The following EBLN1 variants were observed in gnomAD, a reference collection of about 807,000 sequenced individuals.
EBLN1 encodes endogenous Bornavirus like nucleoprotein 1.
Under a neutral mutation model 0.8 loss-of-function variants are expected in EBLN1, and 1 was observed. The observed-to-expected ratio is 1.32, with a 90% CI of 0.47 to 6.26. EBLN1 has a LOEUF of 6.26. EBLN1 is among the 30% of genes most tolerant of loss of function. The probability of loss-of-function intolerance (pLI) is 0.15; values close to 1 mark genes in which losing one functional copy is unlikely to be tolerated. For missense variants in EBLN1, 396 were observed against 447.9 expected (o/e 0.88, Z 1.05); for synonymous variants, 158 against 158.5 (o/e 1.00, Z 0.02).
At position 22,209,350 on chromosome 10, in the gene EBLN1, CA is replaced by C. The variant is rs1488672063; in HGVS notation, c.633del (p.Phe211LeufsTer17). The C allele has an allele frequency of 6.2e-7, 1 of 1,605,140 alleles. No homozygotes were observed. Among genetic ancestry groups the C allele is most frequent in the East Asian group, 2.2e-5 (1 of 44,884 alleles). On this transcript the variant is annotated frameshift_variant, in exon 3 of 3. Coordinates refer to ENST00000422359, the MANE Select transcript of EBLN1 (RefSeq NM_001394757.1). LOFTEE classifies it low-confidence loss of function (END_TRUNC). Reference protein sequence around the residue: ...WVGGLMFTFLFGEFESPACEL... With the variant: ...WVGGLMFTFLXGEFESPACEL... ...TCGCACGCAGGGGATTCAAATTCTC[CA>C]AATAGAAATGTGAACATTAATCCTC...
rs186562476 is a variant in EBLN1, at chr10:22,210,113, T to A, written c.-44-86A>T. 1.8e-4 allele frequency: 199 copies of A among 1,128,666 alleles called. 1 individual carries two copies. The African/African-American group carries it at 3.0e-3, about 17-fold the overall frequency. The allele number at this position is 1,128,666 out of a possible 1,614,324, so 69.9% of individuals were successfully genotyped here. A position where few individuals can be genotyped will look rare whatever the true frequency, so the allele number is the denominator to read the frequency against. ...AATGTATTATGACTTCTGTATCTCA[T>A]TTACTTCTTAGTAATATTCAGTTTT... On this transcript the variant is annotated intron_variant, in intron 2 of 2. Coordinates refer to ENST00000422359, the MANE Select transcript of EBLN1 (RefSeq NM_001394757.1).
intron 1 of EBLN1, among the ~76,000 whole-genome samples, chr10:22,215,993 A>G (rs1383417603): frequency 6.6e-6 from 1 of 152,164 alleles, no homozygotes; most frequent in Non-Finnish European, 1.5e-5. Flanking sequence ...CTTCTTTTTT[A>G]TATTTTCAAA....
intron 1 of EBLN1, among the ~76,000 whole-genome samples, chr10:22,216,463 A>G (rs575664500): frequency 1.3e-4 from 20 of 152,316 alleles, no homozygotes; most frequent in African/African-American, 4.8e-4. Context: ...CAATAGACTC[A>G]AACAGGGCAA....
In EBLN1 at chr10:22,209,248, G is replaced by T; in HGVS notation, c.736C>A (p.Gln246Lys). ...AAAGCAGTGGAACCATCCACACACT[G>T]ATCCAGGAACATTCTCACAGTGTAG... ...TYYTVRMFLD[Q>K]CVDGSTALPA... Residue 246 changes from glutamine to lysine, a missense_variant, in exon 3 of 3, where the codon CAG (glutamine) becomes AAG (lysine). Transcript: ENST00000422359. The T allele has an allele frequency of 6.4e-7, 1 of 1,564,930 alleles. No individual in the cohort carries two copies. Among genetic ancestry groups the T allele is most frequent in the Non-Finnish European group, 8.6e-7 (1 of 1,162,786 alleles).
intron 1 of EBLN1, among the ~76,000 whole-genome samples, chr10:22,213,535 G>A (rs1834770315): frequency 6.6e-6 from 1 of 152,000 alleles, no homozygotes; most frequent in African/African-American, 2.4e-5. Flanking sequence ...TTGTAGTTTT[G>A]TATTCATTTT....
chr10:22,209,573 C>A lies in EBLN1; in HGVS notation c.411G>T (p.Leu137=). Residue 137 remains leucine (L), a synonymous_variant, in exon 3 of 3, where the codon CTG becomes CTT. Coordinates refer to ENST00000422359, the MANE Select transcript of EBLN1 (RefSeq NM_001394757.1). The part of the protein sequence containing the change: ...TFTALEMSSI[L]RHCCDLIGIA... Reference sequence around the variant, plus strand: ...TGCCTATCAGATCACAGCAGTGACGCAGAATTGATGACATCTCAAGGGCAG... The same window carrying A: ...TGCCTATCAGATCACAGCAGTGACGAAGAATTGATGACATCTCAAGGGCAG... The A allele has an allele frequency of 6.5e-7, 1 of 1,542,142 alleles. No homozygotes were observed. The highest frequency in any genetic ancestry group is 1.4e-5 in the African/African-American group (1 of 73,408).
In EBLN1 at chr10:22,209,710, C is replaced by A; in HGVS notation, c.274G>T (p.Ala92Ser). The A allele has an allele frequency of 1.3e-6, 2 of 1,535,866 alleles. No homozygotes were observed. The highest frequency in any genetic ancestry group is 1.7e-6 in the Non-Finnish European group (2 of 1,146,918). The change falls in exon 3 of 3, where the codon GCA becomes TCA. Residue 92 changes from alanine to serine, a missense_variant. Transcript: ENST00000422359. ...TTGCTCACACCGACACTGAGTAGTG[C>A]CTTGTGTAATCCATCGAATATAAAA... ...LCFIFDGLHK[A>S]LLSVGVSKRS...
chr10:22,214,388 C>T (rs1221199828), intron 1 of EBLN1, among the ~76,000 whole-genome samples: 2 of 151,274 alleles, frequency 1.3e-5, no homozygotes, highest in South Asian at 4.2e-4. Context: ...CTGCTGCAAC[C>T]TCCTGGGCTC....
At chr10:22,210,952 C>T (rs1028888766) in intron 2 of EBLN1, among the ~76,000 whole-genome samples, 5 of 152,160 alleles carry the variant, frequency 3.3e-5, no homozygotes, top group African/African-American at 9.7e-5. Flanking sequence ...TTAAGTCTCA[C>T]TTAAAGGCTC....
chr10:22,214,520 T>C (rs1834776974), intron 1 of EBLN1, among the ~76,000 whole-genome samples: 5 of 152,012 alleles, frequency 3.3e-5, no homozygotes, highest in Admixed American at 3.3e-4. Context: ...AATAAAATAT[T>C]GACAGAACTG....
chr10:22,216,699 G>A lies in EBLN1; in HGVS notation c.-169+1217C>T, dbSNP rs74713901. ...GTTAGACATATACAATGAAGACTGAGGAAGGACAGGATTTTAGTGAAAAGT... is the reference window on the plus strand; with the variant it reads ...GTTAGACATATACAATGAAGACTGAAGAAGGACAGGATTTTAGTGAAAAGT... On this transcript the variant is annotated intron_variant, in intron 1 of 2. Coordinates refer to ENST00000422359, the MANE Select transcript of EBLN1 (RefSeq NM_001394757.1). Among the ~76,000 whole-genome samples, 526 of 152,256 alleles carry A rather than the reference G, an allele frequency of 3.5e-3. 2 individuals carry two copies. The highest frequency in any genetic ancestry group is 0.011 in the African/African-American group (465 of 41,544).
chr10:22,214,849 G>C (rs1834779129), intron 1 of EBLN1, among the ~76,000 whole-genome samples: 1 of 152,072 alleles, frequency 6.6e-6, no homozygotes, highest in South Asian at 2.1e-4. Context: ...AATGTTCATA[G>C]AAGCATTATT....
chr10:22,212,174 A>G (rs1834760258), intron 2 of EBLN1, among the ~76,000 whole-genome samples: 1 of 152,190 alleles, frequency 6.6e-6, no homozygotes, highest in Non-Finnish European at 1.5e-5. Flanking sequence ...TGTGGGTACT[A>G]TAGGATTTTG....
At position 22,209,081 on chromosome 10, in the gene EBLN1, T is replaced by C; in HGVS notation, c.903A>G (p.Leu301=). 6.5e-7 allele frequency: 1 copy of C among 1,536,680 alleles called. No homozygotes were observed. The change falls in exon 3 of 3, where the codon CTA becomes CTG. Residue 301 remains leucine, a synonymous_variant. Coordinates refer to ENST00000422359, the MANE Select transcript of EBLN1 (RefSeq NM_001394757.1). ...GVLSPQMFPN[L]ATAANYWAKR... is the part of the protein sequence containing the mutation. ...TGGCCCAGTAGTTTGCTGCTGTTGCTAGGTTTGGGAACATTTGTGGTGATA... is the reference window on the plus strand; with the variant it reads ...TGGCCCAGTAGTTTGCTGCTGTTGCCAGGTTTGGGAACATTTGTGGTGATA...
Position 22,209,299 on chromosome 10 carries a change from C to A in EBLN1, c.685G>T (p.Ala229Ser). 6.3e-7 allele frequency: 1 copy of A among 1,597,628 alleles called. No individual in the cohort carries two copies. ...TAGGTCATCATCTGTGCTTTGCTGG[C>A]AACTACTTTAACTTGATCAAGTAGC... ...CELLDQVKVV[A>S]SKAQMMTYYT... The change falls in exon 3 of 3, where the codon GCC becomes TCC. Residue 229 changes from alanine to serine, a missense_variant. Ala to Ser is a moderately conservative substitution (Grantham distance 99). Transcript: ENST00000422359.
At chr10:22,217,466 C>G (rs529871183) in intron 1 of EBLN1, among the ~76,000 whole-genome samples, 3 of 152,218 alleles carry the variant, frequency 2.0e-5, no homozygotes, top group African/African-American at 7.2e-5. Flanking sequence ...TAAAGAAAGA[C>G]AAAGAGGAAA....
Position 22,209,254 on chromosome 10 carries a change from G to A in EBLN1, c.730C>T (p.Leu244=). The A allele has an allele frequency of 6.4e-7, 1 of 1,571,050 alleles. No individual in the cohort carries two copies. ...MMTYYTVRMF[L]DQCVDGSTAL... is the part of the protein sequence containing the mutation. ...GTGGAACCATCCACACACTGATCCAGGAACATTCTCACAGTGTAGTAGGTC... is the reference window on the plus strand; with the variant it reads ...GTGGAACCATCCACACACTGATCCAAGAACATTCTCACAGTGTAGTAGGTC... Residue 244 remains leucine (L), a synonymous_variant, in exon 3 of 3, where the codon CTG becomes TTG. Transcript: ENST00000422359.
chr10:22,211,877 C>T (rs1401930460), intron 2 of EBLN1, among the ~76,000 whole-genome samples: 6 of 152,094 alleles, frequency 3.9e-5, no homozygotes, highest in African/African-American at 9.7e-5. Context: ...ATCTGTTTGG[C>T]GTGCTAATTA....
At chr10:22,210,428 A>G (rs1167052234) in intron 2 of EBLN1, among the ~76,000 whole-genome samples, 1 of 152,220 alleles carries the variant, frequency 6.6e-6, no homozygotes, top group Admixed American at 6.5e-5. Context: ...AAAACTTCTA[A>G]CAAAGCCAGG....
Sources: allele counts gnomAD v4.1 joint callset (sites outside exome capture counted in the v4.1 genomes callset), GRCh38; gene constraint gnomAD v4.1.1; transcripts MANE v1.5; gene names NCBI Gene and HGNC (gene_info 2026-07-23, HGNC 2026-07-21).